Variants in KCNIP4 observed in about 807,000 individuals in gnomAD.
KCNIP4 encodes potassium voltage-gated channel interacting protein 4.
A neutral mutation model predicts 34.0 loss-of-function variants in KCNIP4; 12 were observed. The ratio of observed to expected loss-of-function variants is 0.35; its 90% CI spans 0.23 to 0.57. KCNIP4 has a LOEUF of 0.57. Among genes scored for constraint, KCNIP4 ranks in the 20% least tolerant of loss-of-function variants. KCNIP4 has a pLI of 0.83. For missense variants in KCNIP4, 238 were observed against 311.7 expected (o/e 0.76, Z 1.78); for synonymous variants, 124 against 102.2 (o/e 1.21, Z -1.29).
intron 3 of KCNIP4, among the ~76,000 whole-genome samples, chr4:20,811,529 G>T (rs899487886): frequency 6.6e-6 from 1 of 152,102 alleles, no homozygotes; most frequent in Admixed American, 6.6e-5. Flanking sequence ...GCGCGCACGC[G>T]TGCACGCCAG....
intron 1 of KCNIP4, among the ~76,000 whole-genome samples, chr4:21,081,076 T>G (rs1425783706): frequency 2.6e-5 from 4 of 151,804 alleles, no homozygotes; most frequent in Admixed American, 6.6e-5. Flanking sequence ...ATAAACTGTC[T>G]TATATAGTCT....
intron 1 of KCNIP4, among the ~76,000 whole-genome samples, chr4:21,554,132 G>T (rs1450689560): frequency 1.3e-5 from 2 of 152,188 alleles, no homozygotes; most frequent in African/African-American, 4.8e-5. Flanking sequence ...ACAGCAGTCA[G>T]TAAAGGCCTC....
At chr4:21,946,454 T>C (rs1214275170) in intron 1 of KCNIP4, among the ~76,000 whole-genome samples, 2 of 152,144 alleles carry the variant, frequency 1.3e-5, no homozygotes, top group Admixed American at 1.3e-4. Flanking sequence ...GACTATTATT[T>C]TAAAACAAAA....
intron 3 of KCNIP4, among the ~76,000 whole-genome samples, chr4:20,775,536 TAA>T (rs4054941): frequency 0.48 from 60,623 of 126,626 alleles, 14,329 homozygotes; most frequent in South Asian, 0.61. Flanking sequence ...CTCAGTTTCT[TAA>T]AAAAAAAAAA....
At chr4:21,883,815 T>C (rs1194137726) in intron 1 of KCNIP4, among the ~76,000 whole-genome samples, 1 of 152,118 alleles carries the variant, frequency 6.6e-6, no homozygotes. Context: ...ACTCAATAGC[T>C]TATTGATGAA....
intron 1 of KCNIP4, among the ~76,000 whole-genome samples, chr4:21,223,433 C>A (rs1429438688): frequency 1.3e-5 from 2 of 152,184 alleles, no homozygotes; most frequent in African/African-American, 4.8e-5. Context: ...AGGCACTATG[C>A]ATGTGGTCAT....
At chr4:21,048,758 C>A (rs557323838) in intron 1 of KCNIP4, among the ~76,000 whole-genome samples, 1 of 152,132 alleles carries the variant, frequency 6.6e-6, no homozygotes, top group African/African-American at 2.4e-5. Context: ...CCAAACAATA[C>A]GGCAGAAGTG....
chr4:21,235,574 G>C (rs1248619260), intron 1 of KCNIP4, among the ~76,000 whole-genome samples: 1 of 152,126 alleles, frequency 6.6e-6, no homozygotes, highest in African/African-American at 2.4e-5. Context: ...CTGGCTTATA[G>C]TATGACCCAC....
rs374694153 is a variant in KCNIP4 at position 21,542,468 on chromosome 4, C to T, written c.61+406103G>A. Among the ~76,000 whole-genome samples the T allele has an allele frequency of 6.6e-5, 10 of 151,964 alleles. No individual in the cohort carries two copies. The East Asian group carries it at 1.7e-3, about 26-fold the overall frequency. On this transcript the variant is annotated intron_variant, in intron 1 of 8. Transcript: ENST00000382152. ...TATCATTTTAATTACAATTTATAAACATGTTTTAAAATTTCAATAAAATAG... is the reference window on the plus strand; with the variant it reads ...TATCATTTTAATTACAATTTATAAATATGTTTTAAAATTTCAATAAAATAG...
chr4:20,866,239 A>G (rs1484654128), intron 2 of KCNIP4, among the ~76,000 whole-genome samples: 1 of 152,200 alleles, frequency 6.6e-6, no homozygotes, highest in Admixed American at 6.6e-5. Context: ...CCTCATGAAT[A>G]CAGACAAAAA....
intron 1 of KCNIP4, among the ~76,000 whole-genome samples, chr4:21,241,611 T>C (rs1426310068): frequency 6.6e-6 from 1 of 152,172 alleles, no homozygotes; most frequent in Non-Finnish European, 1.5e-5. Flanking sequence ...CATAGTGGCA[T>C]TGGGAATTAG....
At chr4:21,180,906 A>T (rs1407482817) in intron 1 of KCNIP4, among the ~76,000 whole-genome samples, 1 of 152,120 alleles carries the variant, frequency 6.6e-6, no homozygotes, top group Non-Finnish European at 1.5e-5. Flanking sequence ...GTTATGAAAA[A>T]AATACTTAAA....
chr4:21,699,674 G>A (rs1239041656), intron 1 of KCNIP4, among the ~76,000 whole-genome samples: 1 of 152,174 alleles, frequency 6.6e-6, no homozygotes, highest in Non-Finnish European at 1.5e-5. Flanking sequence ...AGAGAAGGGT[G>A]TGGCTGCTGA....
rs565531146 is a variant in KCNIP4, at chr4:21,732,013, T to C, written c.61+216558A>G. On this transcript the variant is annotated intron_variant, in intron 1 of 8. Coordinates refer to ENST00000382152, the MANE Select transcript of KCNIP4 (RefSeq NM_025221.6). ...CCAATAATTCCAAACACACATAAATTACATATATATAAAAATATATATATA... is the reference window on the plus strand; with the variant it reads ...CCAATAATTCCAAACACACATAAATCACATATATATAAAAATATATATATA... 2.0e-3 allele frequency among the ~76,000 whole-genome samples: 300 copies of C among 150,914 alleles called. 1 individual carries two copies. Among genetic ancestry groups the C allele is most frequent in the African/African-American group, 7.0e-3 (289 of 41,294 alleles).
At chr4:20,817,449 A>G (rs968047865) in intron 3 of KCNIP4, among the ~76,000 whole-genome samples, 1 of 152,116 alleles carries the variant, frequency 6.6e-6, no homozygotes, top group Non-Finnish European at 1.5e-5. Context: ...GGTCATGATC[A>G]TCCCAATGCC....
intron 1 of KCNIP4, among the ~76,000 whole-genome samples, chr4:21,326,065 CT>C (rs968488082): frequency 1.3e-4 from 20 of 151,906 alleles, no homozygotes; most frequent in African/African-American, 4.8e-4. Flanking sequence ...AATGTGTATT[CT>C]GCAGCTGGTA....
intron 1 of KCNIP4, among the ~76,000 whole-genome samples, chr4:21,664,991 A>G (rs1684464374): frequency 6.6e-6 from 1 of 152,182 alleles, no homozygotes; most frequent in South Asian, 2.1e-4. Context: ...CCTGACTTAA[A>G]TTCATGGATG....
intron 1 of KCNIP4, among the ~76,000 whole-genome samples, chr4:21,764,990 C>T (rs1718310105): frequency 6.6e-6 from 1 of 152,068 alleles, no homozygotes; most frequent in Non-Finnish European, 1.5e-5. Flanking sequence ...ACCCATATCA[C>T]AGCCATGTCA....
At chr4:21,566,784 T>G (rs750840873) in intron 1 of KCNIP4, among the ~76,000 whole-genome samples, 8 of 152,128 alleles carry the variant, frequency 5.3e-5, no homozygotes, top group South Asian at 2.1e-4. Flanking sequence ...TTACTCCTGA[T>G]GAGAGGTCAA....
Sources: gnomAD v4.1 joint callset for allele counts (sites outside exome capture counted in the v4.1 genomes callset) on GRCh38, gnomAD v4.1.1 for gene constraint, MANE v1.5 for transcripts, NCBI Gene and HGNC (gene_info 2026-07-23, HGNC 2026-07-21) for gene names.